Variants in UNC79 observed in about 807,000 individuals in gnomAD.
UNC79 encodes unc-79 subunit of NALCN channel complex, also known as protein unc-79 homolog.
UNC79 carries 37 observed loss-of-function variants against 283.1 expected under a neutral mutation model. The observed-to-expected ratio is 0.13, with a 90% CI of 0.10 to 0.17. The LOEUF is 0.17. Ranked by LOEUF, UNC79 falls within the 10% of genes least tolerant of loss-of-function variation. The probability of loss-of-function intolerance (pLI) is 1.00; values close to 1 mark genes in which losing one functional copy is unlikely to be tolerated. For synonymous variants in UNC79, 1,107 were observed against 1,200.2 expected (o/e 0.92, Z 1.61); for missense variants, 2,272 against 3,211.1 (o/e 0.71, Z 7.07).
chr14:93,543,217 C>T (rs201682197), intron 14 of UNC79, among the ~76,000 whole-genome samples: 2 of 142,318 alleles, frequency 1.4e-5, no homozygotes, highest in African/African-American at 5.2e-5. Flanking sequence ...TATATATATA[C>T]AGGTTAATGG....
At chr14:93,608,443 T>C (rs2066044478) in intron 26 of UNC79, among the ~76,000 whole-genome samples, 1 of 152,056 alleles carries the variant, frequency 6.6e-6, no homozygotes, top group Admixed American at 6.5e-5. Context: ...CACATGATAA[T>C]AGGATGTGGA....
rs1002951784 is a variant in UNC79 at position 93,486,439 on chromosome 14, G to A, written c.620-1224G>A. Among the ~76,000 whole-genome samples, 6 of 151,984 alleles carry A rather than the reference G, an allele frequency of 3.9e-5. No homozygotes were observed. In the South Asian group the frequency reaches 1.0e-3, roughly 26 times the overall value. ...TGGGAGGCCGAAGTGGGTGGATCAC[G>A]AGGTCAGGAGTTCAAGACTAGCCTG... On this transcript the variant is annotated intron_variant, in intron 4 of 48. Transcript: ENST00000555664.
At chr14:93,680,039 AG>A (rs1387230733) in intron 41 of UNC79, among the ~76,000 whole-genome samples, 1 of 152,238 alleles carries the variant, frequency 6.6e-6, no homozygotes, top group Admixed American at 6.5e-5. Flanking sequence ...GATAAAAAAA[AG>A]ATGATTTCTG....
intron 14 of UNC79, among the ~76,000 whole-genome samples, chr14:93,543,540 T>G (rs949291551): frequency 1.3e-5 from 2 of 151,920 alleles, no homozygotes; most frequent in Non-Finnish European, 2.9e-5. Context: ...ATTAAAAAAA[T>G]TTTTTTGGTA....
chr14:93,537,939 A>G, intron 11 of UNC79, 50 bp from the exon 12 acceptor site: 1 of 1,553,276 alleles, frequency 6.4e-7, no homozygotes, highest in Non-Finnish European at 8.7e-7. Flanking sequence ...TTCTTAGCCA[A>G]GTTTACCTCG....
At chr14:93,656,643 G>T (rs973104914) in intron 38 of UNC79, among the ~76,000 whole-genome samples, 1 of 151,938 alleles carries the variant, frequency 6.6e-6, no homozygotes, top group African/African-American at 2.4e-5. Context: ...GACAGAGAGA[G>T]ACTCTGTCTC....
At chr14:93,413,055 TAA>T (rs1461893526) in intron 1 of UNC79, among the ~76,000 whole-genome samples, 1 of 152,174 alleles carries the variant, frequency 6.6e-6, no homozygotes, top group African/African-American at 2.4e-5. Context: ...TATTATACTT[TAA>T]GTTTTACGGT....
chr14:93,411,169 C>T (rs1250745769), intron 1 of UNC79, among the ~76,000 whole-genome samples: 3 of 152,102 alleles, frequency 2.0e-5, no homozygotes, highest in Admixed American at 6.5e-5. Context: ...GTGGTAGCTT[C>T]GCAGTACTCC....
intron 31 of UNC79, among the ~76,000 whole-genome samples, chr14:93,636,688 A>G (rs2068536063): frequency 6.6e-6 from 1 of 152,124 alleles, no homozygotes; most frequent in South Asian, 2.1e-4. Flanking sequence ...GCTTTGCCTC[A>G]TCTTTCATGT....
At chr14:93,496,424 A>G in exon 6 of UNC79, 1 of 1,547,210 alleles carries the variant, frequency 6.5e-7, no homozygotes, top group South Asian at 1.3e-5. Context: ...ATCATTGTCA[A>G]TTACTGGAAT....
intron 7 of UNC79, among the ~76,000 whole-genome samples, chr14:93,503,608 TGTA>T (rs1293376107): frequency 2.6e-5 from 4 of 152,084 alleles, no homozygotes; most frequent in African/African-American, 9.6e-5. Flanking sequence ...TTCAAGGGTG[TGTA>T]GAAGTATCTT....
rs544542117 is a variant in UNC79, at chr14:93,609,486, G to A, written c.3755-3311G>A. On this transcript the variant is annotated intron_variant, in intron 26 of 48. Coordinates refer to ENST00000555664, the Ensembl canonical transcript of UNC79. ...TGTCATGGAATCAGTCCACATTAAAGGTATGGTAGGAATAGCTCTGCCTCC... is the reference window on the plus strand; with the variant it reads ...TGTCATGGAATCAGTCCACATTAAAAGTATGGTAGGAATAGCTCTGCCTCC... Among the ~76,000 whole-genome samples, 18 of 152,126 alleles carry A rather than the reference G, an allele frequency of 1.2e-4. No individual in the cohort carries two copies. The South Asian group carries it at 3.7e-3, about 32-fold the overall frequency.
intron 14 of UNC79, among the ~76,000 whole-genome samples, chr14:93,556,332 G>A (rs904701615): frequency 6.6e-6 from 1 of 152,102 alleles, no homozygotes; most frequent in South Asian, 2.1e-4. Context: ...GTAAGCAACT[G>A]CTATTGGACA....
chr14:93,375,986 G>T (rs2054550890), intron 1 of UNC79, among the ~76,000 whole-genome samples: 1 of 152,116 alleles, frequency 6.6e-6, no homozygotes, highest in Non-Finnish European at 1.5e-5. Context: ...GATTCCCTGT[G>T]CCACCTTGGG....
chr14:93,461,418 A>G (rs2056958338), intron 1 of UNC79, among the ~76,000 whole-genome samples: 1 of 152,196 alleles, frequency 6.6e-6, no homozygotes, highest in Non-Finnish European at 1.5e-5. Flanking sequence ...AAAGTAGCAA[A>G]GCTCCCAAGA....
At chr14:93,404,486 T>TAAAAAAAAAAAAAAA (rs34406486) in intron 1 of UNC79, among the ~76,000 whole-genome samples, 2 of 53,046 alleles carry the variant, frequency 3.8e-5, no homozygotes, top group East Asian at 5.7e-4. Context: ...TGAGACCTTC[T>TAAAAAAAAAAAAAAA]AAAAAAAATA....
intron 1 of UNC79, among the ~76,000 whole-genome samples, chr14:93,414,298 T>C (rs111518770): frequency 6.6e-6 from 1 of 152,156 alleles, no homozygotes; most frequent in Non-Finnish European, 1.5e-5. Context: ...TTTCCCCATT[T>C]CTTGTTTTTC....
intron 1 of UNC79, among the ~76,000 whole-genome samples, chr14:93,407,076 A>G (rs2055242247): frequency 6.6e-6 from 1 of 151,926 alleles, no homozygotes; most frequent in East Asian, 1.9e-4. Context: ...CCATGAACTT[A>G]TTTCCTGTGT....
chr14:93,493,597 G>A (rs2058843153), intron 5 of UNC79, among the ~76,000 whole-genome samples: 1 of 152,106 alleles, frequency 6.6e-6, no homozygotes, highest in African/African-American at 2.4e-5. Context: ...ATAGGACTTG[G>A]TAACATATTG....
Sources: allele counts gnomAD v4.1 joint callset (sites outside exome capture counted in the v4.1 genomes callset), GRCh38; gene constraint gnomAD v4.1.1; transcripts MANE v1.5; gene names NCBI Gene and HGNC (gene_info 2026-07-23, HGNC 2026-07-21).